The following SBF2 variants were observed in gnomAD, a reference collection of about 807,000 sequenced individuals.
SBF2 encodes the protein myotubularin-related protein 13.
Under a neutral mutation model 225.2 loss-of-function variants are expected in SBF2, and 112 were observed. The ratio of observed to expected loss-of-function variants is 0.50; its 90% CI spans 0.43 to 0.58. SBF2 has a LOEUF of 0.58. SBF2 is among the 20% of genes least tolerant of loss of function. The probability of loss-of-function intolerance (pLI) is 0.00; values close to 1 mark genes in which losing one functional copy is unlikely to be tolerated. For missense variants in SBF2, 1,996 were observed against 2,206.2 expected, an observed-to-expected ratio of 0.90 and a Z score of 1.91; for synonymous variants, 763 against 773.3, an observed-to-expected ratio of 0.99 and a Z score of 0.22.
chr11:10,047,098 A>T (rs1295967568), intron 2 of SBF2, among the ~76,000 whole-genome samples: 1 of 152,164 alleles, frequency 6.6e-6, no homozygotes. Flanking sequence ...AAGGAAAACT[A>T]TAACACTCTG....
chr11:9,857,067 G>A (rs561976477), intron 18 of SBF2, among the ~76,000 whole-genome samples: 39 of 152,304 alleles, frequency 2.6e-4, no homozygotes, highest in Admixed American at 1.6e-3. Context: ...GATTACAGGC[G>A]TGAGCAACCG....
chr11:9,895,344 G>C lies in SBF2; in HGVS notation c.1929+599C>G, dbSNP rs550463048. Among the ~76,000 whole-genome samples, 7 of 152,218 alleles carry C rather than the reference G, an allele frequency of 4.6e-5. No individual in the cohort carries two copies. The South Asian group carries it at 6.2e-4, about 14-fold the overall frequency. On this transcript the variant is annotated intron_variant, in intron 17 of 39. Coordinates refer to ENST00000256190, the MANE Select transcript of SBF2 (RefSeq NM_030962.4). ...TAAATGCATTGTTCTGAGTGTGGGTGGTTATCTAATTCTTTACAAGTCCTT... is the reference window on the plus strand; with the variant it reads ...TAAATGCATTGTTCTGAGTGTGGGTCGTTATCTAATTCTTTACAAGTCCTT...
chr11:10,259,255 A>G (rs1222983134), intron 1 of SBF2, among the ~76,000 whole-genome samples: 1 of 152,188 alleles, frequency 6.6e-6, no homozygotes, highest in Non-Finnish European at 1.5e-5. Context: ...TTTTATTGTT[A>G]AGATGCAAAA....
chr11:10,129,699 C>A (rs1313444278), intron 2 of SBF2, among the ~76,000 whole-genome samples: 2 of 150,336 alleles, frequency 1.3e-5, no homozygotes, highest in Non-Finnish European at 3.0e-5. Flanking sequence ...AATTATGTCT[C>A]TAAATTTTTT....
chr11:9,935,644 A>G (rs923411085), intron 16 of SBF2, among the ~76,000 whole-genome samples: 2 of 152,214 alleles, frequency 1.3e-5, no homozygotes, highest in Non-Finnish European at 2.9e-5. Flanking sequence ...GGCCTCAGAA[A>G]TATCACCACA....
intron 1 of SBF2, 35 bp downstream of exon 1, chr11:10,293,980 G>A (rs574734336): frequency 1.0e-5 from 13 of 1,304,094 alleles, no homozygotes; most frequent in Admixed American, 3.7e-5. Flanking sequence ...CGGGGGGCGG[G>A]GAGGCCCGGG....
chr11:10,063,858 C>CACACACACAGAGAGAG (rs373423157), intron 2 of SBF2, among the ~76,000 whole-genome samples: 8 of 136,172 alleles, frequency 5.9e-5, no homozygotes, highest in Non-Finnish European at 9.4e-5. Flanking sequence ...CACACACACA[C>CACACACACAGAGAGAG]AGAGAGAGAG....
chr11:10,181,973 C>T (rs1363076234), intron 2 of SBF2, among the ~76,000 whole-genome samples: 4 of 152,108 alleles, frequency 2.6e-5, no homozygotes, highest in Non-Finnish European at 5.9e-5. Context: ...TTTTTATAGA[C>T]ACATAAGTAC....
intron 16 of SBF2, among the ~76,000 whole-genome samples, chr11:9,917,076 C>G (rs1369479655): frequency 6.6e-6 from 1 of 150,930 alleles, no homozygotes; most frequent in Non-Finnish European, 1.5e-5. Context: ...AAAAAAAACT[C>G]ACAAACTTCC....
Position 9,812,621 on chromosome 11 carries a change from G to C in SBF2, c.4066C>G (p.Leu1356Val). 6.2e-7 allele frequency: 1 copy of C among 1,614,176 alleles called. No homozygotes were observed. Among genetic ancestry groups the C allele is most frequent in the Non-Finnish European group, 8.5e-7 (1 of 1,180,024 alleles). The change falls in exon 30 of 40, where the codon CTG becomes GTG. Residue 1356 changes from leucine to valine, a missense_variant. Leu to Val is a conservative substitution (Grantham distance 32, BLOSUM62 1). Coordinates refer to ENST00000256190, the MANE Select transcript of SBF2 (RefSeq NM_030962.4). ...IRQVKASFKK[L>V]MRACIPSTIP... The stretch of plus-strand genomic sequence containing the variant: ...GTGCTTGGGATACAAGCCCTCATCA[G>C]CTTCTTAAAACTGGCTTTCACTTGC...
intron 2 of SBF2, among the ~76,000 whole-genome samples, chr11:10,178,247 A>T (rs1435631057): frequency 1.3e-5 from 2 of 150,726 alleles, no homozygotes; most frequent in Non-Finnish European, 2.9e-5. Context: ...ACCCTAGAAG[A>T]AAACCTAGGC....
At chr11:10,054,344 C>A (rs1471202704) in intron 2 of SBF2, among the ~76,000 whole-genome samples, 1 of 152,098 alleles carries the variant, frequency 6.6e-6, no homozygotes, top group African/African-American at 2.4e-5. Flanking sequence ...ATACACAAAT[C>A]AAAAGTTTTC....
intron 2 of SBF2, among the ~76,000 whole-genome samples, chr11:10,102,736 A>G (rs889784479): frequency 4.5e-4 from 68 of 152,164 alleles, no homozygotes; most frequent in Non-Finnish European, 2.9e-5. Flanking sequence ...ATAAAAGCAC[A>G]CTGATATGGG....
At chr11:9,792,957 T>TG (rs1852854026) in intron 33 of SBF2, among the ~76,000 whole-genome samples, 1 of 135,030 alleles carries the variant, frequency 7.4e-6, no homozygotes, top group Non-Finnish European at 1.6e-5. Context: ...TTTTTTTTTT[T>TG]GTAGAGATGG....
chr11:9,785,035 G>T, intron 37 of SBF2, 90 bp downstream of exon 37: 1 of 1,094,004 alleles, frequency 9.1e-7, no homozygotes, highest in Non-Finnish European at 1.4e-6. Context: ...AGGCTGTACT[G>T]CACAGGCCTA....
At chr11:10,266,298 TAC>T (rs1347631121) in intron 1 of SBF2, among the ~76,000 whole-genome samples, 1 of 152,086 alleles carries the variant, frequency 6.6e-6, no homozygotes. Flanking sequence ...ACTGCAGAAT[TAC>T]AGAGGAGAGG....
At chr11:10,272,837 C>G (rs34739790) in intron 1 of SBF2, among the ~76,000 whole-genome samples, 71,030 of 151,292 alleles carry the variant, frequency 0.47, 17,274 homozygotes, top group Non-Finnish European at 0.54. Context: ...TTGGGAGGCC[C>G]AGGTGGACAG....
At position 9,961,990 on chromosome 11, in the gene SBF2, G is replaced by C; in HGVS notation, c.1827C>G (p.Asp609Glu). 1 of 1,613,926 alleles carries C rather than the reference G, an allele frequency of 6.2e-7. No homozygotes were observed. Among genetic ancestry groups the C allele is most frequent in the Non-Finnish European group, 8.5e-7 (1 of 1,179,838 alleles). ...NRAILDHQQF[D>E]YIIRMMNCTL... Reference sequence around the variant, plus strand: ...TACAATTCATCATCCTTATTATGTAGTCAAACTGTTGATGGTCTAATATTG... The same window carrying C: ...TACAATTCATCATCCTTATTATGTACTCAAACTGTTGATGGTCTAATATTG... Residue 609 changes from aspartate (D) to glutamate (E), a missense_variant, in exon 16 of 40, where the codon GAC becomes GAG. Coordinates refer to ENST00000256190, the MANE Select transcript of SBF2 (RefSeq NM_030962.4).
intron 2 of SBF2, among the ~76,000 whole-genome samples, chr11:10,108,190 ATGTGGAAT>A (rs1952641010): frequency 1.3e-5 from 2 of 152,230 alleles, no homozygotes; most frequent in Admixed American, 6.5e-5. Flanking sequence ...TTTTAAAAAG[ATGTGGAAT>A]TGAGAAAGGA....
Sources: gnomAD v4.1 joint callset for allele counts (sites outside exome capture counted in the v4.1 genomes callset) on GRCh38, gnomAD v4.1.1 for gene constraint, MANE v1.5 for transcripts, NCBI Gene and HGNC (gene_info 2026-07-23, HGNC 2026-07-21) for gene names.